Variants in CLSTN2 observed in about 807,000 individuals in gnomAD.
The protein encoded by CLSTN2 is calsyntenin 2.
Under a neutral mutation model 101.2 loss-of-function variants are expected in CLSTN2, and 48 were observed. That is an observed-to-expected ratio of 0.47 (90% CI 0.38 to 0.60). The LOEUF is 0.60. Among genes scored for constraint, CLSTN2 ranks in the 20% least tolerant of loss-of-function variants. CLSTN2 has a pLI of 0.00. For missense variants in CLSTN2, 1,160 were observed against 1,238.2 expected (o/e 0.94, Z 0.95); for synonymous variants, 481 against 463.6 (o/e 1.04, Z -0.48).
At chr3:140,552,876 G>A (rs543409067) in intron 10 of CLSTN2, among the ~76,000 whole-genome samples, 1 of 152,310 alleles carries the variant, frequency 6.6e-6, no homozygotes, top group East Asian at 1.9e-4. Context: ...GGATGAGGCT[G>A]GAGAAGAGGA....
At chr3:140,514,233 ACAT>A (rs1934872219) in intron 8 of CLSTN2, among the ~76,000 whole-genome samples, 1 of 152,050 alleles carries the variant, frequency 6.6e-6, no homozygotes, top group Non-Finnish European at 1.5e-5. Context: ...TTTGGTGCAC[ACAT>A]CATCCAAGCA....
intron 11 of CLSTN2, chr3:140,556,967 T>C (rs1935810138): frequency 3.3e-6 from 1 of 303,782 alleles, no homozygotes; most frequent in Admixed American, 4.7e-5. Flanking sequence ...TGGGTGTGCG[T>C]TTGAAGTGTT....
At chr3:140,110,177 G>C (rs1044941115) in intron 1 of CLSTN2, among the ~76,000 whole-genome samples, 5 of 152,040 alleles carry the variant, frequency 3.3e-5, no homozygotes, top group African/African-American at 1.2e-4. Flanking sequence ...ATTTTATTTT[G>C]AGGCACATAT....
intron 1 of CLSTN2, among the ~76,000 whole-genome samples, chr3:140,163,705 G>A (rs895091974): frequency 1.9e-4 from 28 of 150,638 alleles, no homozygotes; most frequent in Admixed American, 2.7e-4. Context: ...TCTAGGAGCC[G>A]TGGCCTTGCT....
At chr3:140,184,398 TGGTAGCA>T (rs1225048718) in intron 2 of CLSTN2, among the ~76,000 whole-genome samples, 6 of 152,018 alleles carry the variant, frequency 3.9e-5, no homozygotes, top group Non-Finnish European at 7.4e-5. Context: ...AGCAGACATG[TGGTAGCA>T]GGTGAGAGAG....
chr3:140,315,986 T>A (rs2087228013), intron 2 of CLSTN2, among the ~76,000 whole-genome samples: 1 of 152,184 alleles, frequency 6.6e-6, no homozygotes, highest in Non-Finnish European at 1.5e-5. Context: ...CAGGATGGAC[T>A]TTCAGAAGAT....
intron 8 of CLSTN2, chr3:140,507,007 T>C (rs1270198344): frequency 6.6e-6 from 1 of 152,166 alleles, no homozygotes; most frequent in African/African-American, 2.4e-5. Context: ...GGGACCGGGA[T>C]GGACAGAGAA....
At chr3:139,942,406 G>A (rs112189760) in intron 1 of CLSTN2, among the ~76,000 whole-genome samples, 188 of 152,206 alleles carry the variant, frequency 1.2e-3, no homozygotes, top group African/African-American at 4.0e-3. Flanking sequence ...ATCCCAGCTG[G>A]CTGGCCTTTG....
At chr3:140,386,364 TC>T (rs1302493018) in intron 2 of CLSTN2, among the ~76,000 whole-genome samples, 1 of 152,146 alleles carries the variant, frequency 6.6e-6, no homozygotes, top group Non-Finnish European at 1.5e-5. Flanking sequence ...AGTGTTAGGG[TC>T]CGGTTCATGC....
chr3:140,007,647 G>A (rs545455894), intron 1 of CLSTN2, among the ~76,000 whole-genome samples: 30 of 152,314 alleles, frequency 2.0e-4, no homozygotes, highest in Non-Finnish European at 3.7e-4. Flanking sequence ...CTTGCAAGGC[G>A]GCGGTGGGAG....
intron 1 of CLSTN2, among the ~76,000 whole-genome samples, chr3:139,987,864 C>A (rs948613816): frequency 1.3e-5 from 2 of 152,142 alleles, no homozygotes; most frequent in Non-Finnish European, 2.9e-5. Flanking sequence ...TTTAATTTTC[C>A]AGAAGAAGAC....
At chr3:140,244,653 T>G (rs1433351720) in intron 2 of CLSTN2, among the ~76,000 whole-genome samples, 1 of 152,138 alleles carries the variant, frequency 6.6e-6, no homozygotes, top group Non-Finnish European at 1.5e-5. Flanking sequence ...AGTAAGAAAA[T>G]GGCCTCTCTC....
chr3:140,225,343 G>T (rs975859530), intron 2 of CLSTN2, among the ~76,000 whole-genome samples: 41 of 152,274 alleles, frequency 2.7e-4, no homozygotes, highest in African/African-American at 9.6e-4. Flanking sequence ...TACTTCAGTT[G>T]CACTGTTTCC....
At chr3:139,974,930 T>G (rs1935789125) in intron 1 of CLSTN2, among the ~76,000 whole-genome samples, 1 of 152,092 alleles carries the variant, frequency 6.6e-6, no homozygotes, top group South Asian at 2.1e-4. Flanking sequence ...GGGATGGTAG[T>G]GGTGTGGCCA....
At chr3:140,320,166 CA>C (rs1270372322) in intron 2 of CLSTN2, among the ~76,000 whole-genome samples, 1 of 152,202 alleles carries the variant, frequency 6.6e-6, no homozygotes, top group Non-Finnish European at 1.5e-5. Flanking sequence ...CTGCATGGTG[CA>C]AGCCAGCCGT....
At chr3:140,486,042 C>A (rs1297402199) in intron 8 of CLSTN2, among the ~76,000 whole-genome samples, 1 of 152,074 alleles carries the variant, frequency 6.6e-6, no homozygotes, top group African/African-American at 2.4e-5. Context: ...ATTGCTCACA[C>A]CGAGAGCTGT....
At chr3:140,435,191 T>C (rs951014895) in intron 5 of CLSTN2, among the ~76,000 whole-genome samples, 4 of 152,180 alleles carry the variant, frequency 2.6e-5, no homozygotes, top group Non-Finnish European at 4.4e-5. Flanking sequence ...CCATTAACCA[T>C]CCCCACCTCC....
At chr3:140,062,398 T>C (rs987307455) in intron 1 of CLSTN2, among the ~76,000 whole-genome samples, 2 of 152,196 alleles carry the variant, frequency 1.3e-5, no homozygotes, top group Non-Finnish European at 2.9e-5. Flanking sequence ...AGCTGCTCAA[T>C]ACAATTATGA....
At chr3:140,532,810 T>C (rs906571555) in intron 9 of CLSTN2, among the ~76,000 whole-genome samples, 2 of 152,212 alleles carry the variant, frequency 1.3e-5, no homozygotes, top group South Asian at 2.1e-4. Flanking sequence ...CAGTATAGAA[T>C]CTTGTGTTCA....
Sources: gnomAD v4.1 joint callset for allele counts (sites outside exome capture counted in the v4.1 genomes callset) on GRCh38, gnomAD v4.1.1 for gene constraint, MANE v1.5 for transcripts, NCBI Gene and HGNC (gene_info 2026-07-23, HGNC 2026-07-21) for gene names.